Variants in ELF2 observed in about 807,000 individuals in gnomAD.
ELF2 encodes ETS-related transcription factor Elf-2.
ELF2 carries 11 observed loss-of-function variants against 54.8 expected under a neutral mutation model. That is an observed-to-expected ratio of 0.20 (90% CI 0.13 to 0.33). The LOEUF (loss-of-function observed/expected upper bound fraction) is 0.33. Ranked by LOEUF, ELF2 falls within the 10% of genes least tolerant of loss-of-function variation. ELF2 has a pLI of 1.00. For synonymous variants in ELF2, 203 were observed against 245.1 expected, an observed-to-expected ratio of 0.83 and a Z score of 1.61; for missense variants, 513 against 703.0, an observed-to-expected ratio of 0.73 and a Z score of 3.06.
chr4:139,114,561 TCACA>T lies in ELF2; in HGVS notation c.238+10599_238+10602del, dbSNP rs776035411. On this transcript the variant is annotated intron_variant, in intron 4 of 9. Coordinates refer to ENST00000686138, the MANE Select transcript of ELF2 (RefSeq NM_001331036.3). ...CTGGCAACAGAGCGAGACTTCAGTC[TCACA>T]CACACACACACACACACACACACAC... Among the ~76,000 whole-genome samples the T allele has an allele frequency of 7.3e-4, 79 of 108,644 alleles. 1 individual carries two copies. The highest frequency in any genetic ancestry group is 2.0e-3 in the East Asian group (6 of 2,998). The allele number at this position is 108,644 out of a possible 152,430, so 71.3% of individuals were successfully genotyped here. A position where few individuals can be genotyped will look rare whatever the true frequency, so the allele number is the denominator to read the frequency against.
chr4:139,079,489 G>C (rs189184215), intron 4 of ELF2, among the ~76,000 whole-genome samples: 1 of 152,116 alleles, frequency 6.6e-6, no homozygotes, highest in Admixed American at 6.6e-5. Context: ...CCAGAATCCG[G>C]GTCAGAGAGT....
chr4:139,124,326 G>A (rs1736689354), intron 4 of ELF2, among the ~76,000 whole-genome samples: 1 of 152,160 alleles, frequency 6.6e-6, no homozygotes, highest in Non-Finnish European at 1.5e-5. Flanking sequence ...TGCTGGAAGA[G>A]GCTAGTAGCC....
intron 4 of ELF2, chr4:139,116,914 G>C (rs1735776223): frequency 6.3e-6 from 1 of 159,062 alleles, no homozygotes; most frequent in Non-Finnish European, 1.3e-5. Context: ...TTTTCATGAA[G>C]GAAATCTGGT....
rs572792163 is a variant in ELF2 at position 139,141,651 on chromosome 4, G to A, written c.-251-2154C>T. ...CCCCCACAAAGTCTTCACTCTATGG[G>A]TAGGGTTGTAGCTGCTGGAGGAAGG... On this transcript the variant is annotated intron_variant, in intron 1 of 9. Coordinates refer to ENST00000686138, the MANE Select transcript of ELF2 (RefSeq NM_001331036.3). Among the ~76,000 whole-genome samples the A allele has an allele frequency of 5.3e-5, 8 of 152,312 alleles. No homozygotes were observed. In the East Asian group the frequency reaches 1.4e-3, roughly 26 times the overall value.
At chr4:139,161,649 G>GT (rs1387502222) in intron 1 of ELF2, among the ~76,000 whole-genome samples, 14 of 57,844 alleles carry the variant, frequency 2.4e-4, no homozygotes, top group East Asian at 2.2e-3. Flanking sequence ...ACGTAAAACT[G>GT]TTTAAAAAAA....
chr4:139,080,904 C>T (rs1281090180), intron 4 of ELF2, among the ~76,000 whole-genome samples: 4 of 148,262 alleles, frequency 2.7e-5, no homozygotes, highest in Admixed American at 2.0e-4. Context: ...AATTACATAA[C>T]GAACTTATAG....
intron 3 of ELF2, among the ~76,000 whole-genome samples, chr4:139,128,297 T>TA (rs2148842274): frequency 6.6e-6 from 1 of 151,906 alleles, no homozygotes; most frequent in South Asian, 2.1e-4. Flanking sequence ...AGAAAAATAT[T>TA]AAACTCTCAT....
intron 1 of ELF2, among the ~76,000 whole-genome samples, chr4:139,144,216 C>G (rs183081748): frequency 6.6e-6 from 1 of 152,070 alleles, no homozygotes; most frequent in African/African-American, 2.4e-5. Context: ...TATACACCCC[C>G]ACTATGAAAA....
chr4:139,091,997 A>C (rs1169086615), intron 4 of ELF2, among the ~76,000 whole-genome samples: 1 of 149,310 alleles, frequency 6.7e-6, no homozygotes, highest in Non-Finnish European at 1.5e-5. Flanking sequence ...TATACACTAT[A>C]TATATACATA....
At chr4:139,137,582 A>G (rs1157760353) in intron 3 of ELF2, 48 bp downstream of exon 3, 2 of 1,582,688 alleles carry the variant, frequency 1.3e-6, no homozygotes, top group Non-Finnish European at 1.7e-6. Context: ...TAGTTCATGC[A>G]CAAATTTCTA....
chr4:139,083,325 A>G (rs1731436406), intron 4 of ELF2, among the ~76,000 whole-genome samples: 1 of 152,180 alleles, frequency 6.6e-6, no homozygotes, highest in Admixed American at 6.5e-5. Context: ...CCTCCAGGTC[A>G]GGGGTACAAA....
chr4:139,083,314 C>T (rs1430477279), intron 4 of ELF2, among the ~76,000 whole-genome samples: 1 of 152,170 alleles, frequency 6.6e-6, no homozygotes, highest in Non-Finnish European at 1.5e-5. Context: ...GACGCCGCAA[C>T]CCTCCAGGTC....
At chr4:139,177,231 C>CCCGCT (rs1350894012), upstream of ELF2, 4 of 151,328 alleles carry the variant, frequency 2.6e-5, no homozygotes, top group East Asian at 2.0e-4. Context: ...TTGCCCCCGC[C>CCCGCT]CCGCTCCGCT....
At chr4:139,064,836 T>C (rs1289567953) in intron 7 of ELF2, among the ~76,000 whole-genome samples, 1 of 151,960 alleles carries the variant, frequency 6.6e-6, no homozygotes, top group African/African-American at 2.4e-5. Flanking sequence ...ACTGAGATCA[T>C]GCCATTGCAC....
At chr4:139,132,860 AT>A (rs1690187806) in intron 3 of ELF2, among the ~76,000 whole-genome samples, 3 of 145,930 alleles carry the variant, frequency 2.1e-5, no homozygotes, top group Non-Finnish European at 4.5e-5. Flanking sequence ...ATATATATAT[AT>A]ATATATATAT....
At chr4:139,071,518 T>C (rs1423678163) in intron 6 of ELF2, among the ~76,000 whole-genome samples, 2 of 151,890 alleles carry the variant, frequency 1.3e-5, no homozygotes, top group South Asian at 2.1e-4. Context: ...TGTGCGTGTG[T>C]GTGTGTGTTT....
chr4:139,165,241 T>G (rs529423359), intron 1 of ELF2, among the ~76,000 whole-genome samples: 1 of 152,242 alleles, frequency 6.6e-6, no homozygotes, highest in Admixed American at 6.5e-5. Context: ...GTATTGCTTT[T>G]GAAATCTTTT....
chr4:139,109,104 AAC>A (rs1464692218), intron 4 of ELF2, among the ~76,000 whole-genome samples: 2 of 152,208 alleles, frequency 1.3e-5, no homozygotes, highest in Non-Finnish European at 2.9e-5. Context: ...TGCCACAAAT[AAC>A]CTGCTGGTAT....
At chr4:139,093,985 G>A (rs1732970307) in intron 4 of ELF2, among the ~76,000 whole-genome samples, 1 of 140,592 alleles carries the variant, frequency 7.1e-6, no homozygotes, top group African/African-American at 2.7e-5. Flanking sequence ...TGCAACCTCC[G>A]CCTCTCGGGT....
Sources: allele counts gnomAD v4.1 joint callset (sites outside exome capture counted in the v4.1 genomes callset), GRCh38; gene constraint gnomAD v4.1.1; transcripts MANE v1.5; gene names NCBI Gene and HGNC (gene_info 2026-07-23, HGNC 2026-07-21).